Variants in RBFOX1 observed in about 807,000 individuals in gnomAD.
RBFOX1 encodes RNA binding protein fox-1 homolog 1.
Under a neutral mutation model 57.7 loss-of-function variants are expected in RBFOX1, and 8 were observed. The ratio of observed to expected loss-of-function variants is 0.14; its 90% CI spans 0.08 to 0.25. The LOEUF is 0.25. Ranked by LOEUF, RBFOX1 falls within the 10% of genes least tolerant of loss-of-function variation. The probability of loss-of-function intolerance (pLI) is 1.00; values close to 1 mark genes in which losing one functional copy is unlikely to be tolerated. For missense variants in RBFOX1, 611 were observed against 548.5 expected, an observed-to-expected ratio of 1.11 and a Z score of -1.14; for synonymous variants, 326 against 222.4, an observed-to-expected ratio of 1.47 and a Z score of -4.15.
At chr16:7,555,154 C>T (rs888256158) in intron 5 of RBFOX1, among the ~76,000 whole-genome samples, 3 of 152,128 alleles carry the variant, frequency 2.0e-5, no homozygotes, top group Non-Finnish European at 2.9e-5. Flanking sequence ...CTCTTACCCT[C>T]AACTCAGATT....
intron 1 of RBFOX1, among the ~76,000 whole-genome samples, chr16:5,263,526 A>G (rs111498371): frequency 3.3e-5 from 5 of 152,166 alleles, no homozygotes; most frequent in Non-Finnish European, 7.4e-5. Flanking sequence ...TGGCACATAC[A>G]TGGTGCAAAA....
chr16:5,426,182 C>T (rs553386613), intron 1 of RBFOX1, among the ~76,000 whole-genome samples: 4 of 152,166 alleles, frequency 2.6e-5, no homozygotes, highest in South Asian at 2.1e-4. Context: ...TGAACCTGCC[C>T]GGTGCAATTG....
At chr16:6,320,334 T>C (rs1261953491) in intron 2 of RBFOX1, among the ~76,000 whole-genome samples, 1 of 152,036 alleles carries the variant, frequency 6.6e-6, no homozygotes, top group Non-Finnish European at 1.5e-5. Context: ...GGCTTCAGCA[T>C]TTCCTGAAAA....
chr16:5,941,412 C>G (rs945778194), intron 4 of RBFOX1, among the ~76,000 whole-genome samples: 1 of 151,380 alleles, frequency 6.6e-6, no homozygotes, highest in South Asian at 2.1e-4. Context: ...ATCACTTGAG[C>G]CCAGGAGTTT....
chr16:7,038,246 C>A (rs2045121854), intron 3 of RBFOX1, among the ~76,000 whole-genome samples: 1 of 152,032 alleles, frequency 6.6e-6, no homozygotes, highest in Admixed American at 6.6e-5. Flanking sequence ...TTACCCAGGA[C>A]ATTTTGGTGA....
At chr16:5,441,848 T>C (rs1476565758) in intron 1 of RBFOX1, among the ~76,000 whole-genome samples, 1 of 152,162 alleles carries the variant, frequency 6.6e-6, no homozygotes, top group African/African-American at 2.4e-5. Flanking sequence ...ACTCACTCAC[T>C]ATCACGAAAA....
chr16:6,688,023 C>G (rs1321817008), intron 3 of RBFOX1, among the ~76,000 whole-genome samples: 1 of 152,148 alleles, frequency 6.6e-6, no homozygotes, highest in African/African-American at 2.4e-5. Flanking sequence ...TGCTATGCAC[C>G]TCACCTGTTG....
At chr16:7,172,761 C>G (rs2080950020) in intron 4 of RBFOX1, among the ~76,000 whole-genome samples, 1 of 152,124 alleles carries the variant, frequency 6.6e-6, no homozygotes, top group South Asian at 2.1e-4. Flanking sequence ...ACAGAGGTGT[C>G]AGTCTTGGCT....
At chr16:5,606,288 C>A (rs1030070359) in intron 3 of RBFOX1, among the ~76,000 whole-genome samples, 9 of 152,092 alleles carry the variant, frequency 5.9e-5, no homozygotes, top group Admixed American at 2.6e-4. Context: ...TGACTGCAGA[C>A]CTTTGCTTAG....
chr16:7,695,016 A>T (rs2078346818), intron 14 of RBFOX1, among the ~76,000 whole-genome samples: 1 of 152,198 alleles, frequency 6.6e-6, no homozygotes, highest in Non-Finnish European at 1.5e-5. Flanking sequence ...AGTGATCCAC[A>T]CACAATATTT....
intron 2 of RBFOX1, among the ~76,000 whole-genome samples, chr16:6,525,509 G>T (rs1424897388): frequency 6.6e-6 from 1 of 152,154 alleles, no homozygotes; most frequent in African/African-American, 2.4e-5. Context: ...TTTGTTGGTT[G>T]GTGCTGCTAT....
chr16:7,524,574 G>T (rs150349724), intron 5 of RBFOX1, among the ~76,000 whole-genome samples: 1 of 152,240 alleles, frequency 6.6e-6, no homozygotes, highest in East Asian at 1.9e-4. Flanking sequence ...TAACGCTTCT[G>T]CAGTCTGTTG....
intron 3 of RBFOX1, among the ~76,000 whole-genome samples, chr16:6,993,738 C>G (rs750486755): frequency 1.3e-5 from 2 of 152,124 alleles, no homozygotes; most frequent in South Asian, 2.1e-4. Context: ...GGCAGCAGCC[C>G]AGCTCCATGG....
intron 1 of RBFOX1, among the ~76,000 whole-genome samples, chr16:5,245,571 A>G (rs1342165334): frequency 6.6e-6 from 1 of 152,162 alleles, no homozygotes; most frequent in Non-Finnish European, 1.5e-5. Flanking sequence ...CAGCCTCCCA[A>G]GTAGCTGGAA....
chr16:7,212,303 G>C (rs6500930), intron 4 of RBFOX1, among the ~76,000 whole-genome samples: 4 of 151,922 alleles, frequency 2.6e-5, no homozygotes, highest in Admixed American at 2.0e-4. Context: ...TGCCTCTGCT[G>C]TTCCAATATT....
At chr16:5,795,200 C>T (rs769573998) in intron 3 of RBFOX1, among the ~76,000 whole-genome samples, 16 of 152,144 alleles carry the variant, frequency 1.1e-4, no homozygotes, top group African/African-American at 1.4e-4. Flanking sequence ...AATGATTCTA[C>T]GTCAGTTTCA....
chr16:6,497,278 C>G (rs759107838), intron 2 of RBFOX1, among the ~76,000 whole-genome samples: 1 of 152,128 alleles, frequency 6.6e-6, no homozygotes, highest in African/African-American at 2.4e-5. Flanking sequence ...CAGCTCTTCT[C>G]AGGTGGGCAT....
intron 2 of RBFOX1, among the ~76,000 whole-genome samples, chr16:5,558,419 C>T (rs1461445402): frequency 6.6e-6 from 1 of 152,084 alleles, no homozygotes. Flanking sequence ...GAGGTCTGAG[C>T]ATCGAGGAGA....
At chr16:6,077,117 T>TG (rs1321287137) in intron 1 of RBFOX1, among the ~76,000 whole-genome samples, 1 of 152,086 alleles carries the variant, frequency 6.6e-6, no homozygotes, top group East Asian at 1.9e-4. Flanking sequence ...AAACGTAAAA[T>TG]GGGGATGACG....
Sources: allele counts gnomAD v4.1 joint callset (sites outside exome capture counted in the v4.1 genomes callset), GRCh38; gene constraint gnomAD v4.1.1; transcripts MANE v1.5; gene names NCBI Gene and HGNC (gene_info 2026-07-23, HGNC 2026-07-21).